Variants in GSE1 observed in about 807,000 individuals in gnomAD.
GSE1 encodes the protein genetic suppressor element 1.
A neutral mutation model predicts 112.6 loss-of-function variants in GSE1; 32 were observed. That is an observed-to-expected ratio of 0.28 (90% CI 0.21 to 0.38). GSE1 has a LOEUF of 0.38. Among genes scored for constraint, GSE1 ranks in the 10% least tolerant of loss-of-function variants. The pLI is 1.00. For missense variants in GSE1, 2,348 were observed against 1,699.2 expected (o/e 1.38, Z -6.71); for synonymous variants, 1,115 against 735.6 (o/e 1.52, Z -8.35).
intron 1 of GSE1, among the ~76,000 whole-genome samples, chr16:85,232,256 C>T (rs960474021): frequency 2.6e-5 from 4 of 152,218 alleles, no homozygotes; most frequent in Admixed American, 6.5e-5. Context: ...AAGCTGTGGC[C>T]ACAGTGTGCT....
At chr16:85,187,641 G>A (rs1200872949) in intron 1 of GSE1, among the ~76,000 whole-genome samples, 1 of 152,174 alleles carries the variant, frequency 6.6e-6, no homozygotes, top group East Asian at 1.9e-4. Context: ...TTTGGCTAAG[G>A]GTGTGCGGAC....
intron 1 of GSE1, among the ~76,000 whole-genome samples, chr16:85,618,550 A>T (rs1393572068): frequency 1.3e-5 from 2 of 152,236 alleles, no homozygotes; most frequent in African/African-American, 4.8e-5. Context: ...TGGAATAGGA[A>T]TGACAATGTC....
intron 2 of GSE1, among the ~76,000 whole-genome samples, chr16:85,470,194 C>T (rs546376995): frequency 9.2e-5 from 14 of 152,368 alleles, no homozygotes; most frequent in Non-Finnish European, 1.3e-4. Context: ...GCTGTGCCCA[C>T]GGCACCCAGA....
intron 2 of GSE1, among the ~76,000 whole-genome samples, chr16:85,495,680 A>G (rs1343479046): frequency 2.6e-5 from 4 of 152,036 alleles, no homozygotes; most frequent in African/African-American, 9.7e-5. Flanking sequence ...AATTTTTAGT[A>G]GAGATGGGGT....
At chr16:85,477,415 G>GC (rs1390759163) in intron 2 of GSE1, among the ~76,000 whole-genome samples, 1 of 151,852 alleles carries the variant, frequency 6.6e-6, no homozygotes, top group Non-Finnish European at 1.5e-5. Context: ...CTAGGAGGGT[G>GC]CCCCCCAGCC....
rs1207740179 is a variant in GSE1, at chr16:85,388,604, T to TTGGA, written c.2464+30983_2464+30986dup. On this transcript the variant is annotated intron_variant, in intron 2 of 2. Coordinates refer to the GSE1 transcript ENST00000637419. ...GATGGGTGGGTGGATGGATGGATGG[T>TTGGA]TGGATGGATGGATGGATGGATGGAT... 4.8e-3 allele frequency among the ~76,000 whole-genome samples: 497 copies of TTGGA among 103,858 alleles called. 3 individuals carry two copies. The highest frequency in any genetic ancestry group is 0.018 in the African/African-American group (467 of 26,544). 68.1% of individuals were successfully genotyped at this position (103,858 alleles called of 152,430 possible).
intron 1 of GSE1, among the ~76,000 whole-genome samples, chr16:85,321,119 G>C (rs780585477): frequency 3.6e-4 from 55 of 152,160 alleles, no homozygotes; most frequent in Non-Finnish European, 7.2e-4. Context: ...GACACCTCCA[G>C]GCAACTGGAA....
intron 1 of GSE1, among the ~76,000 whole-genome samples, chr16:85,337,066 T>G (rs1472122582): frequency 6.6e-6 from 1 of 152,184 alleles, no homozygotes; most frequent in Non-Finnish European, 1.5e-5. Context: ...GCACACACCC[T>G]GGGTCTGCCC....
At chr16:85,622,384 T>A in intron 1 of GSE1, among the ~76,000 whole-genome samples, 1 of 151,154 alleles carries the variant, frequency 6.6e-6, no homozygotes, top group East Asian at 1.9e-4. Context: ...CCCTTTCTTT[T>A]TCCACCCTGT....
upstream of GSE1, chr16:85,555,157 C>T (rs2045138273): frequency 2.0e-6 from 2 of 985,326 alleles, no homozygotes; most frequent in African/African-American, 1.7e-5. Flanking sequence ...TACCCTTTCG[C>T]TTTCATTAGG....
At position 85,656,481 on chromosome 16, in the gene GSE1, G is replaced by C. The variant is rs752960594; in HGVS notation, c.1128G>C (p.Glu376Asp). 5 of 1,544,068 alleles carry C rather than the reference G, an allele frequency of 3.2e-6. No homozygotes were observed. The Middle Eastern group carries it at 5.2e-4, about 160-fold the overall frequency. ...AGCGCGAGCAAGAGAAGGAGCGTGA[G>C]CGTGAGAAGGAGCGCGAGCGCGAGC... ...EKEREQEKER[E>D]REKERERELE... is the part of the protein sequence containing the mutation. The change falls in exon 7 of 16, where the codon GAG (glutamate) becomes GAC (aspartate). Residue 376 changes from glutamate (E) to aspartate (D), a missense_variant. Glu to Asp is a conservative substitution (Grantham distance 45). Transcript: ENST00000253458.
At position 85,205,598 on chromosome 16, in the gene GSE1, C is replaced by T. The variant is rs1020028633; in HGVS notation, c.2283+33791C>T. Among the ~76,000 whole-genome samples the T allele has an allele frequency of 3.3e-5, 5 of 152,072 alleles. No homozygotes were observed. In the East Asian group the frequency reaches 9.7e-4, roughly 30 times the overall value. ...AGTTTCCCTCAAACACACTCATCCCCCACAGCCCCTCTTTGGCTCCAGGGC... is the reference window on the plus strand; with the variant it reads ...AGTTTCCCTCAAACACACTCATCCCTCACAGCCCCTCTTTGGCTCCAGGGC... On this transcript the variant is annotated intron_variant, in intron 1 of 2. Transcript: ENST00000637419.
chr16:85,226,267 G>T (rs994693745), intron 1 of GSE1, among the ~76,000 whole-genome samples: 1 of 152,136 alleles, frequency 6.6e-6, no homozygotes, highest in Admixed American at 6.5e-5. Flanking sequence ...TGGTTTCCCA[G>T]GACCTCTTTT....
chr16:85,610,384 G>A (rs565574866), upstream of GSE1, among the ~76,000 whole-genome samples: 1 of 152,324 alleles, frequency 6.6e-6, no homozygotes, highest in African/African-American at 2.4e-5. Context: ...CGGGGCTGTG[G>A]GTAGGGCGCT....
At chr16:85,334,168 C>T (rs189365882) in intron 1 of GSE1, among the ~76,000 whole-genome samples, 409 of 152,330 alleles carry the variant, frequency 2.7e-3, no homozygotes, top group Middle Eastern at 0.01. Context: ...GATGCTGTGT[C>T]GGCACTCCTC....
rs773863946 is a variant in GSE1, at chr16:85,668,290, C to G, written c.3281C>G (p.Thr1094Ser). Residue 1094 changes from threonine (T) to serine (S), a missense_variant, in exon 14 of 16, where the codon ACC (threonine) becomes AGC (serine). Coordinates refer to ENST00000253458, the MANE Select transcript of GSE1 (RefSeq NM_014615.5). ...EPPTARKGPP[T>S]QELDRDSEEE... ...CCCACTGCAAGGAAGGGCCCCCCAA[C>G]CCAGGAGTTGGACCGGGACTCGGAG... 2 of 1,612,936 alleles carry G rather than the reference C, an allele frequency of 1.2e-6. No homozygotes were observed. The highest frequency in any genetic ancestry group is 1.3e-5 in the African/African-American group (1 of 74,988).
At chr16:85,556,145 G>T (rs1231837162) in exon 1 of GSE1, 89 of 834,696 alleles carry the variant, frequency 1.1e-4, no homozygotes, top group Admixed American at 3.9e-4. Context: ...TTGCGGGGCG[G>T]GGGGGGGAAA....
chr16:85,347,251 C>T (rs368925167), intron 1 of GSE1, among the ~76,000 whole-genome samples: 4 of 152,152 alleles, frequency 2.6e-5, no homozygotes, highest in Admixed American at 6.5e-5. Context: ...ACAGGATGTC[C>T]GTGGTGAGCC....
chr16:85,448,727 C>T lies in GSE1; in HGVS notation c.2464+91084C>T, dbSNP rs1017741787. 3.3e-5 allele frequency among the ~76,000 whole-genome samples: 5 copies of T among 152,368 alleles called. No homozygotes were observed. In the South Asian group the frequency reaches 6.2e-4, roughly 19 times the overall value. ...GGGGCACCACTGGCAGCCCGCCCCA[C>T]GCCGCCCACATCCCCGGCCCTGCAA... On this transcript the variant is annotated intron_variant, in intron 2 of 2. Coordinates refer to the GSE1 transcript ENST00000637419.
Sources: gnomAD v4.1 joint callset for allele counts (sites outside exome capture counted in the v4.1 genomes callset) on GRCh38, gnomAD v4.1.1 for gene constraint, MANE v1.5 for transcripts, NCBI Gene and HGNC (gene_info 2026-07-23, HGNC 2026-07-21) for gene names.